The following GNAQ variants were observed in gnomAD, a reference collection of about 807,000 sequenced individuals.
GNAQ encodes the protein guanine nucleotide-binding protein G(q) subunit alpha.
A neutral mutation model predicts 43.9 loss-of-function variants in GNAQ; 8 were observed. The ratio of observed to expected loss-of-function variants is 0.18; its 90% CI spans 0.11 to 0.33. The LOEUF (loss-of-function observed/expected upper bound fraction) is 0.33. GNAQ is among the 10% of genes least tolerant of loss of function. GNAQ has a pLI of 1.00. For synonymous variants in GNAQ, 155 were observed against 170.7 expected (o/e 0.91, Z 0.71); for missense variants, 158 against 450.8 (o/e 0.35, Z 5.88).
At chr9:77,999,347 T>A (rs971559444) in intron 1 of GNAQ, among the ~76,000 whole-genome samples, 3 of 152,252 alleles carry the variant, frequency 2.0e-5, no homozygotes, top group African/African-American at 7.2e-5. Context: ...GAAAGCAAAT[T>A]TTTATTATTT....
At chr9:78,010,040 A>G (rs1168593965) in intron 1 of GNAQ, among the ~76,000 whole-genome samples, 1 of 152,240 alleles carries the variant, frequency 6.6e-6, no homozygotes, top group Non-Finnish European at 1.5e-5. Flanking sequence ...ACAAAAAGAC[A>G]AAGATTTCTA....
rs201619567 is a variant in GNAQ, at chr9:77,975,725, A to G, written c.137-53380T>C. ...CAGCTAATTTCTGTATTTTTAGTAG[A>G]GACGGGGTTTCACCATGTTGGCCAG... On this transcript the variant is annotated intron_variant, in intron 1 of 6. Transcript: ENST00000286548. 1.8e-4 allele frequency among the ~76,000 whole-genome samples: 27 copies of G among 152,092 alleles called. No homozygotes were observed. In the East Asian group the frequency reaches 5.0e-3, roughly 28 times the overall value.
At chr9:77,765,128 T>C (rs557151169) in intron 5 of GNAQ, among the ~76,000 whole-genome samples, 1 of 151,930 alleles carries the variant, frequency 6.6e-6, no homozygotes, top group South Asian at 2.1e-4. Flanking sequence ...AGTACAAAAA[T>C]TCAGTTTACA....
At chr9:77,908,798 G>A (rs1424652349) in intron 2 of GNAQ, among the ~76,000 whole-genome samples, 2 of 152,126 alleles carry the variant, frequency 1.3e-5, no homozygotes, top group Non-Finnish European at 2.9e-5. Flanking sequence ...TTTACTTTGG[G>A]CTGCTTCAGC....
intron 1 of GNAQ, among the ~76,000 whole-genome samples, chr9:78,016,113 G>T (rs73461703): frequency 1.3e-5 from 2 of 152,046 alleles, no homozygotes; most frequent in Non-Finnish European, 2.9e-5. Flanking sequence ...AACTCAAAGT[G>T]TAAGACCTAA....
At chr9:77,941,310 C>T (rs1050776858) in intron 1 of GNAQ, among the ~76,000 whole-genome samples, 7 of 151,494 alleles carry the variant, frequency 4.6e-5, no homozygotes, top group Admixed American at 3.3e-4. Context: ...AGTGCAGTGG[C>T]GCAATCTTGG....
At chr9:77,750,773 A>T (rs900761928) in intron 5 of GNAQ, among the ~76,000 whole-genome samples, 1 of 152,010 alleles carries the variant, frequency 6.6e-6, no homozygotes, top group African/African-American at 2.4e-5. Context: ...TATTATACCA[A>T]CCCTGACTGA....
intron 2 of GNAQ, among the ~76,000 whole-genome samples, chr9:77,878,317 G>T (rs1213455068): frequency 1.3e-5 from 2 of 151,438 alleles, no homozygotes; most frequent in African/African-American, 4.9e-5. Flanking sequence ...AATGGCCCAG[G>T]GTAATGGCAG....
rs1825242363 is a variant in GNAQ at position 77,717,421 on chromosome 9, A to G, written c.*3902T>C. On this transcript the variant is annotated 3_prime_UTR_variant, in exon 7 of 7. Coordinates refer to ENST00000286548, the MANE Select transcript of GNAQ (RefSeq NM_002072.5). ...TTTGAGAAACTGAAAACAAAGGGAAATCAAGGGTAATCGGTAGGTGATTTG... is the reference window on the plus strand; with the variant it reads ...TTTGAGAAACTGAAAACAAAGGGAAGTCAAGGGTAATCGGTAGGTGATTTG... 1 of 232,480 alleles carries G rather than the reference A, an allele frequency of 4.3e-6. No homozygotes were observed. The highest frequency in any genetic ancestry group is 8.5e-6 in the Non-Finnish European group (1 of 117,592). 14.4% of individuals were successfully genotyped at this position (232,480 alleles called of 1,614,324 possible). A position where few individuals can be genotyped will look rare whatever the true frequency, so the allele number is the denominator to read the frequency against.
intron 5 of GNAQ, among the ~76,000 whole-genome samples, chr9:77,779,863 C>T (rs563629475): frequency 6.6e-6 from 1 of 151,838 alleles, no homozygotes; most frequent in East Asian, 1.9e-4. Context: ...GCCAAAACTC[C>T]TATAAAATAA....
chr9:77,889,718 T>C (rs1828370562), intron 2 of GNAQ, among the ~76,000 whole-genome samples: 1 of 152,158 alleles, frequency 6.6e-6, no homozygotes, highest in Admixed American at 6.5e-5. Flanking sequence ...CTCTAATGAG[T>C]CCTGCCCACT....
intron 1 of GNAQ, among the ~76,000 whole-genome samples, chr9:78,002,318 T>C (rs1052455433): frequency 2.6e-5 from 4 of 152,126 alleles, no homozygotes; most frequent in African/African-American, 7.2e-5. Context: ...GTCAAGAGGA[T>C]TGTGAAATTA....
In GNAQ at chr9:77,796,116, G is replaced by A. The variant is rs1320082132; in HGVS notation, c.605+1404C>T. Among the ~76,000 whole-genome samples the A allele has an allele frequency of 3.9e-5, 6 of 152,316 alleles. No homozygotes were observed. In the East Asian group the frequency reaches 1.2e-3, roughly 29 times the overall value. Reference sequence around the variant, plus strand: ...GAATGCTGGAGCTACAAGGAACCCTGAGGATCATCTAATGCAATACAACCA... The same window carrying A: ...GAATGCTGGAGCTACAAGGAACCCTAAGGATCATCTAATGCAATACAACCA... On this transcript the variant is annotated intron_variant, in intron 4 of 6. Transcript: ENST00000286548.
intron 6 of GNAQ, among the ~76,000 whole-genome samples, chr9:77,722,027 T>C (rs1312181916): frequency 6.6e-6 from 1 of 152,230 alleles, no homozygotes; most frequent in Non-Finnish European, 1.5e-5. Context: ...CTATCTACAA[T>C]GGGCCTCTGT....
rs368556497 is a variant in GNAQ, at chr9:78,031,284, G to A, written c.-49C>T. 147 of 1,402,690 alleles carry A rather than the reference G, an allele frequency of 1.0e-4. No individual in the cohort carries two copies. In the African/African-American group the frequency reaches 2.1e-3, roughly 20 times the overall value. The allele number at this position is 1,402,690 out of a possible 1,614,324, so 86.9% of individuals were successfully genotyped here. The stretch of plus-strand genomic sequence containing the variant: ...GCCCCGCCGGCACCCCCTGCTCACA[G>A]CGCGCACACACACCCTCCCGCCCTC... On this transcript the variant is annotated 5_prime_UTR_variant, in exon 1 of 7. Coordinates refer to ENST00000286548, the MANE Select transcript of GNAQ (RefSeq NM_002072.5).
At chr9:77,858,363 T>C (rs1223411639) in intron 2 of GNAQ, among the ~76,000 whole-genome samples, 1 of 152,066 alleles carries the variant, frequency 6.6e-6, no homozygotes, top group African/African-American at 2.4e-5. Context: ...TAGGAATGAG[T>C]GAATCAAAGA....
intron 2 of GNAQ, among the ~76,000 whole-genome samples, chr9:77,885,878 T>C (rs1478653079): frequency 1.3e-5 from 2 of 152,176 alleles, no homozygotes; most frequent in Non-Finnish European, 2.9e-5. Flanking sequence ...TAAATGCTGA[T>C]ATAAAAATAA....
intron 5 of GNAQ, among the ~76,000 whole-genome samples, chr9:77,747,890 A>C (rs1220782248): frequency 6.6e-6 from 1 of 152,176 alleles, no homozygotes; most frequent in East Asian, 1.9e-4. Context: ...TGAGATAAAG[A>C]CTTAAGTTTG....
At position 77,832,819 on chromosome 9, in the gene GNAQ, G is replaced by A. The variant is rs542654115; in HGVS notation, c.322-17049C>T. ...CACTGCACAAGGCCCTAATCCAAGA[G>A]GAGAGGGGGGAGCTACACCCCCAGC... On this transcript the variant is annotated intron_variant, in intron 2 of 6. Transcript: ENST00000286548. Among the ~76,000 whole-genome samples, 54 of 152,214 alleles carry A rather than the reference G, an allele frequency of 3.5e-4. 1 individual carries two copies. The highest frequency in any genetic ancestry group is 1.2e-3 in the African/African-American group (51 of 41,558).
Sources: gnomAD v4.1 joint callset for allele counts (sites outside exome capture counted in the v4.1 genomes callset) on GRCh38, gnomAD v4.1.1 for gene constraint, MANE v1.5 for transcripts, NCBI Gene and HGNC (gene_info 2026-07-23, HGNC 2026-07-21) for gene names.